Variants in PVT1 observed in about 807,000 individuals in gnomAD.
PVT1 encodes CXCR4/PVT1 fusion.
intron 4 of PVT1, among the ~76,000 whole-genome samples, chr8:127,993,382 A>G (rs1255621857): frequency 6.6e-6 from 1 of 152,228 alleles, no homozygotes; most frequent in East Asian, 1.9e-4. Flanking sequence ...CTTTCAGTCC[A>G]GCTCATCTAG....
At chr8:127,972,198 C>CCCAAGACTGTCAGTGCG (rs1326182890) in intron 3 of PVT1, among the ~76,000 whole-genome samples, 2 of 152,218 alleles carry the variant, frequency 1.3e-5, no homozygotes, top group African/African-American at 4.8e-5. Flanking sequence ...TTGTGTTCAC[C>CCCAAGACTGTCAGTGCG]CCAAGACTGT....
chr8:127,886,053 C>T (rs957120731), intron 2 of PVT1, among the ~76,000 whole-genome samples: 3 of 151,944 alleles, frequency 2.0e-5, no homozygotes, highest in Non-Finnish European at 4.4e-5. Context: ...GCTGAGATGG[C>T]ACCATTGCAC....
rs142847515 is a variant in PVT1, at chr8:128,033,239, A to G, written n.913-36921A>G. 3.6e-3 allele frequency among the ~76,000 whole-genome samples: 555 copies of G among 152,326 alleles called. 11 individuals are homozygous for G. Among genetic ancestry groups the G allele is most frequent in the Admixed American group, 0.024 (367 of 15,302 alleles). The stretch of plus-strand genomic sequence containing the variant: ...TGATTCTCCGAGGCTCTGTGGGACC[A>G]CGGGGCTTTATCAAGGTTGCCTAAC... On this transcript the variant is annotated intron_variant and non_coding_transcript_variant, in intron 4 of 10. Transcript: ENST00000651587.
At chr8:128,063,268 T>C (rs1009149000) in intron 4 of PVT1, among the ~76,000 whole-genome samples, 1 of 152,018 alleles carries the variant, frequency 6.6e-6, no homozygotes, top group Non-Finnish European at 1.5e-5. Context: ...ATCCCAGCAC[T>C]TTGGGATTCT....
chr8:127,947,802 A>G (rs1281317815), intron 3 of PVT1: 1 of 456,536 alleles, frequency 2.2e-6, no homozygotes, highest in Non-Finnish European at 4.4e-6. Flanking sequence ...TACAAATACT[A>G]TGAAACAGGA....
chr8:127,875,505 G>T (rs1815395947), intron 2 of PVT1, among the ~76,000 whole-genome samples: 1 of 152,178 alleles, frequency 6.6e-6, no homozygotes, highest in Non-Finnish European at 1.5e-5. Context: ...AGGACTGAAG[G>T]ATTTAAAGGG....
chr8:128,052,466 C>T lies in PVT1; in HGVS notation n.913-17694C>T, dbSNP rs966833892. ...CATCTTTTATTATTTCTATGCTCCA[C>T]CCAGCTGCTGTAATTGCTCATCTGG... On this transcript the variant is annotated intron_variant and non_coding_transcript_variant, in intron 4 of 10. Coordinates refer to ENST00000651587, the Ensembl canonical transcript of PVT1. Among the ~76,000 whole-genome samples the T allele has an allele frequency of 3.9e-5, 6 of 152,170 alleles. No homozygotes were observed. The East Asian group carries it at 5.8e-4, about 15-fold the overall frequency.
intron 4 of PVT1, chr8:127,996,534 C>T (rs1817105711): frequency 6.6e-6 from 1 of 152,008 alleles, no homozygotes; most frequent in African/African-American, 2.4e-5. Flanking sequence ...CTCAAGGACT[C>T]ATACTGGCAT....
chr8:127,957,345 G>A (rs147102235), intron 3 of PVT1, among the ~76,000 whole-genome samples: 162 of 152,274 alleles, frequency 1.1e-3, no homozygotes, highest in African/African-American at 3.8e-3. Context: ...GAGGTGGGCA[G>A]ATCACGAGGT....
chr8:128,093,287 G>A (rs1211976238), intron 5 of PVT1, among the ~76,000 whole-genome samples: 3 of 152,224 alleles, frequency 2.0e-5, no homozygotes, highest in African/African-American at 7.2e-5. Context: ...GCCAGGAGCA[G>A]TGGCTCATGC....
intron 3 of PVT1, among the ~76,000 whole-genome samples, chr8:127,919,715 A>G (rs1816034354): frequency 6.6e-6 from 1 of 151,964 alleles, no homozygotes; most frequent in African/African-American, 2.4e-5. Flanking sequence ...TTCTGGCCTC[A>G]CTCACTGTGG....
At chr8:128,012,245 C>G (rs974101749) in intron 4 of PVT1, among the ~76,000 whole-genome samples, 1 of 152,190 alleles carries the variant, frequency 6.6e-6, no homozygotes, top group Admixed American at 6.5e-5. Flanking sequence ...TCTAGACTTG[C>G]TAGGAAAGGC....
chr8:127,903,213 G>A (rs542778842), intron 3 of PVT1, among the ~76,000 whole-genome samples: 1 of 152,064 alleles, frequency 6.6e-6, no homozygotes, highest in Non-Finnish European at 1.5e-5. Context: ...TTCATGTTTG[G>A]TGGCTGCATG....
At chr8:127,960,116 C>G (rs1313170719) in intron 3 of PVT1, among the ~76,000 whole-genome samples, 2 of 152,194 alleles carry the variant, frequency 1.3e-5, no homozygotes, top group Non-Finnish European at 2.9e-5. Flanking sequence ...CCCTCTTTTG[C>G]TAGAAGGGAT....
At chr8:127,814,894 G>A (rs888651509) in intron 2 of PVT1, among the ~76,000 whole-genome samples, 9 of 152,010 alleles carry the variant, frequency 5.9e-5, no homozygotes, top group Non-Finnish European at 7.4e-5. Context: ...ACTACCCTAA[G>A]CATCCGTATA....
At chr8:127,956,671 G>A (rs956005682) in intron 3 of PVT1, among the ~76,000 whole-genome samples, 4 of 152,180 alleles carry the variant, frequency 2.6e-5, no homozygotes, top group Admixed American at 2.6e-4. Context: ...TTTTAGTAGA[G>A]ATGGAATTTC....
chr8:128,004,246 C>T (rs1430088279), intron 4 of PVT1, among the ~76,000 whole-genome samples: 1 of 152,180 alleles, frequency 6.6e-6, no homozygotes, highest in Admixed American at 6.5e-5. Context: ...CCCCTTGACT[C>T]TTGTGAATTA....
At chr8:127,983,289 C>T (rs558682170) in intron 3 of PVT1, among the ~76,000 whole-genome samples, 2 of 152,092 alleles carry the variant, frequency 1.3e-5, no homozygotes, top group Non-Finnish European at 2.9e-5. Context: ...TCTTCTTGGA[C>T]GGAGGTGGTG....
chr8:127,867,916 C>T (rs1324407484), intron 2 of PVT1, among the ~76,000 whole-genome samples: 1 of 152,194 alleles, frequency 6.6e-6, no homozygotes, highest in Non-Finnish European at 1.5e-5. Context: ...GGACGTCCAT[C>T]TCAACTATTA....
Sources: allele counts gnomAD v4.1 joint callset (sites outside exome capture counted in the v4.1 genomes callset), GRCh38; gene constraint gnomAD v4.1.1; transcripts MANE v1.5; gene names NCBI Gene and HGNC (gene_info 2026-07-23, HGNC 2026-07-21).